KCNQ1: variants seen among roughly 807,000 people sequenced by gnomAD.
KCNQ1 encodes potassium voltage-gated channel subfamily KQT member 1.
A neutral mutation model predicts 72.4 loss-of-function variants in KCNQ1; 49 were observed. The observed-to-expected ratio is 0.68, with a 90% CI of 0.54 to 0.86. The LOEUF (loss-of-function observed/expected upper bound fraction) is 0.86, where lower values mean the gene tolerates loss of function less well. Ranked by LOEUF, KCNQ1 falls within the 40% of genes least tolerant of loss-of-function variation. KCNQ1 has a pLI of 0.00. For missense variants in KCNQ1, 790 were observed against 945.1 expected, an observed-to-expected ratio of 0.84 and a Z score of 2.15; for synonymous variants, 450 against 412.6, an observed-to-expected ratio of 1.09 and a Z score of -1.10.
intron 1 of KCNQ1, among the ~76,000 whole-genome samples, chr11:2,511,650 C>A (rs1362497248): frequency 6.6e-6 from 1 of 152,212 alleles, no homozygotes; most frequent in Non-Finnish European, 1.5e-5. Flanking sequence ...CTAAATGCAT[C>A]TGTTGTTGAA....
At chr11:2,551,565 C>T (rs573177225) in intron 2 of KCNQ1, among the ~76,000 whole-genome samples, 14 of 152,226 alleles carry the variant, frequency 9.2e-5, no homozygotes, top group African/African-American at 1.9e-4. Flanking sequence ...ATGAATATTG[C>T]GTGCAGTTTT....
At chr11:2,694,389 G>A (rs1850638729) in intron 11 of KCNQ1, 3 of 398,532 alleles carry the variant, frequency 7.5e-6, no homozygotes. Flanking sequence ...GACTATGGGA[G>A]AATTACTAAT....
rs1850259099 is a variant in KCNQ1 at position 2,674,632 on chromosome 11, C to G, written c.1514+12551C>G. On this transcript the variant is annotated intron_variant, in intron 11 of 15. Transcript: ENST00000155840. The surrounding 1 kb of genome is among the most constrained non-coding windows in gnomAD (Gnocchi z 5.9). ...CTTAAAACAGTCACAGCGAAACATGCCTTTGAATTGGAAAGCCAGAACTTT... is the reference window on the plus strand; with the variant it reads ...CTTAAAACAGTCACAGCGAAACATGGCTTTGAATTGGAAAGCCAGAACTTT... 2.5e-6 allele frequency: 1 copy of G among 398,510 alleles called. No individual in the cohort carries two copies. Among genetic ancestry groups the G allele is most frequent in the Non-Finnish European group, 4.4e-6 (1 of 226,032 alleles). The allele number at this position is 398,510 out of a possible 1,614,324, so 24.7% of individuals were successfully genotyped here.
chr11:2,578,581 C>T (rs999833852), intron 6 of KCNQ1, among the ~76,000 whole-genome samples: 2 of 152,222 alleles, frequency 1.3e-5, no homozygotes, highest in African/African-American at 2.4e-5. Flanking sequence ...GCCCTTGGCC[C>T]AGAGCCTCCA....
At chr11:2,506,416 T>C (rs573387937) in intron 1 of KCNQ1, among the ~76,000 whole-genome samples, 53 of 152,366 alleles carry the variant, frequency 3.5e-4, no homozygotes, top group South Asian at 1.0e-3. Flanking sequence ...CCCCATACTT[T>C]ATGGTTGGAT....
In KCNQ1 at chr11:2,659,070, A is replaced by G; in HGVS notation, c.1394-2891A>G. The G allele has an allele frequency of 2.5e-6, 1 of 398,556 alleles. No homozygotes were observed. Among genetic ancestry groups the G allele is most frequent in the Non-Finnish European group, 4.4e-6 (1 of 226,028 alleles). The allele number at this position is 398,556 out of a possible 1,614,324, so 24.7% of individuals were successfully genotyped here. ...CATTTGTTTGTAACACGCTCATCATAGTCTGCTTTTCATCGTAGGGTCCTC... is the reference window on the plus strand; with the variant it reads ...CATTTGTTTGTAACACGCTCATCATGGTCTGCTTTTCATCGTAGGGTCCTC... On this transcript the variant is annotated intron_variant, in intron 10 of 15. Coordinates refer to ENST00000155840, the MANE Select transcript of KCNQ1 (RefSeq NM_000218.3). The surrounding 1 kb of genome is among the most constrained non-coding windows in gnomAD (Gnocchi z 4.3).
At chr11:2,485,347 T>C (rs1846724036) in intron 1 of KCNQ1, among the ~76,000 whole-genome samples, 1 of 150,228 alleles carries the variant, frequency 6.7e-6, no homozygotes, top group African/African-American at 2.5e-5. Context: ...TGCCAGCCCT[T>C]CCCTCCCCAC....
Position 2,479,063 on chromosome 11 carries a change from T to A in KCNQ1, c.386+33579T>A, listed in dbSNP as rs970359955. 6.7e-6 allele frequency among the ~76,000 whole-genome samples: 1 copy of A among 149,816 alleles called. No individual in the cohort carries two copies. Among genetic ancestry groups the A allele is most frequent in the Non-Finnish European group, 1.5e-5 (1 of 67,810 alleles). On this transcript the variant is annotated intron_variant, in intron 1 of 15. Transcript: ENST00000155840. The surrounding 1 kb of genome is among the most constrained non-coding windows in gnomAD (Gnocchi z 4.6). ...ATGTCTCACATCTAGGTCATGCTGA[T>A]GCAAGAGGTGGGTTCCCATAGTCTT...
intron 1 of KCNQ1, among the ~76,000 whole-genome samples, chr11:2,520,323 A>G (rs1847359591): frequency 6.6e-6 from 1 of 152,100 alleles, no homozygotes; most frequent in South Asian, 2.1e-4. Flanking sequence ...AGAGCGGGGA[A>G]CCTGTGCCTA....
chr11:2,445,881 A>G (rs1846029808), intron 1 of KCNQ1, among the ~76,000 whole-genome samples: 1 of 152,136 alleles, frequency 6.6e-6, no homozygotes, highest in Non-Finnish European at 1.5e-5. Context: ...GGAGCCCCCA[A>G]GAGAGAAGGC....
rs1846464355 is a variant in KCNQ1, at chr11:2,764,714, TG to T, written c.1515-4129del. Among the ~76,000 whole-genome samples the T allele has an allele frequency of 6.6e-6, 1 of 152,248 alleles. No individual in the cohort carries two copies. Among genetic ancestry groups the T allele is most frequent in the South Asian group, 2.1e-4 (1 of 4,836 alleles). On this transcript the variant is annotated intron_variant, in intron 11 of 15. Coordinates refer to ENST00000155840, the MANE Select transcript of KCNQ1 (RefSeq NM_000218.3). This position sits in a 1 kb window ranked among gnomAD's most constrained non-coding sequence, Gnocchi z 4.8. ...AATATTGGGCAATTTGGATTATTTT[TG>T]TTTTTGTGTCTACTTTTACATACTG...
rs1590105642 is a variant in KCNQ1, at chr11:2,813,332, T to C, written c.1795-34435T>C. On this transcript the variant is annotated intron_variant, in intron 15 of 15. Transcript: ENST00000155840. This position sits in a 1 kb window ranked among gnomAD's most constrained non-coding sequence, Gnocchi z 4.4. ...ATTCAAGGGCATCTGCCCTGTGTCC[T>C]CATGCACCTCCATTCAGGGAACCTG... is the stretch of plus-strand genomic sequence containing the variant. Among the ~76,000 whole-genome samples, 2 of 152,284 alleles carry C rather than the reference T, an allele frequency of 1.3e-5. No homozygotes were observed. Among genetic ancestry groups the C allele is most frequent in the East Asian group, 3.9e-4 (2 of 5,164 alleles).
At chr11:2,533,171 C>T (rs530244878) in intron 2 of KCNQ1, among the ~76,000 whole-genome samples, 1 of 152,352 alleles carries the variant, frequency 6.6e-6, no homozygotes, top group Admixed American at 6.5e-5. Context: ...TTTCTCGTTT[C>T]TTTTCGTACG....
At position 2,815,562 on chromosome 11, in the gene KCNQ1, G is replaced by T. The variant is rs1478887862; in HGVS notation, c.1795-32205G>T. Reference sequence around the variant, plus strand: ...CAGAGCCTTTGAGAGTGGGGACAGGGTGTCCTGTTGTAGTTGCCAAGCCCA... The same window carrying T: ...CAGAGCCTTTGAGAGTGGGGACAGGTTGTCCTGTTGTAGTTGCCAAGCCCA... On this transcript the variant is annotated intron_variant, in intron 15 of 15. Transcript: ENST00000155840. The surrounding 1 kb of genome is among the most constrained non-coding windows in gnomAD (Gnocchi z 5.4). Among the ~76,000 whole-genome samples the T allele has an allele frequency of 6.6e-6, 1 of 152,294 alleles. No homozygotes were observed. The highest frequency in any genetic ancestry group is 1.9e-4 in the East Asian group (1 of 5,174).
chr11:2,619,345 T>C (rs1849125338), intron 10 of KCNQ1: 1 of 398,448 alleles, frequency 2.5e-6, no homozygotes, highest in African/African-American at 2.1e-5. Context: ...TTGAGGAGTG[T>C]TCCTTCTATA....
intron 15 of KCNQ1, among the ~76,000 whole-genome samples, chr11:2,814,123 A>G (rs113689847): frequency 6.5e-5 from 9 of 138,740 alleles, no homozygotes; most frequent in African/African-American, 2.4e-4. Flanking sequence ...GAATAAAGGG[A>G]TGGGTGGATA....
intron 11 of KCNQ1, chr11:2,666,259 A>AC (rs772741540): frequency 5.0e-6 from 2 of 398,434 alleles, no homozygotes; most frequent in East Asian, 7.1e-5. Context: ...GAGGACCAGG[A>AC]CCCCCGAGGC....
chr11:2,496,564 A>C (rs1434348193), intron 1 of KCNQ1, among the ~76,000 whole-genome samples: 1 of 90,110 alleles, frequency 1.1e-5, no homozygotes, highest in Non-Finnish European at 2.0e-5. Flanking sequence ...CTTTATTTTG[A>C]GCATATGTGT....
At chr11:2,771,610 G>C (rs1846600906) in intron 12 of KCNQ1, 2 of 152,214 alleles carry the variant, frequency 1.3e-5, no homozygotes, top group South Asian at 2.1e-4. Flanking sequence ...TCTTTGGGTT[G>C]AATTACCTAG....
Sources: allele counts gnomAD v4.1 joint callset (sites outside exome capture counted in the v4.1 genomes callset), GRCh38; gene constraint gnomAD v4.1.1; non-coding constraint Gnocchi (gnomAD v3.1); transcripts MANE v1.5; gene names NCBI Gene and HGNC (gene_info 2026-07-23, HGNC 2026-07-21).